The following CREB5 variants were observed in gnomAD, a reference collection of about 807,000 sequenced individuals.
CREB5 encodes the protein cAMP responsive element binding protein 5.
In CREB5, 19 loss-of-function variants were observed where a neutral mutation model predicts 57.1. The observed-to-expected ratio is 0.33, with a 90% CI of 0.23 to 0.49. CREB5 has a LOEUF of 0.49. Ranked by LOEUF, CREB5 falls within the 20% of genes least tolerant of loss-of-function variation. The pLI, the probability that CREB5 is intolerant of heterozygous loss-of-function variation, is 0.99. For synonymous variants in CREB5, 238 were observed against 238.3 expected, an observed-to-expected ratio of 1.00 and a Z score of 0.01; for missense variants, 579 against 671.6, an observed-to-expected ratio of 0.86 and a Z score of 1.52.
intron 1 of CREB5, among the ~76,000 whole-genome samples, chr7:28,329,223 A>ACAATTGT (rs1785668291): frequency 6.6e-6 from 1 of 152,214 alleles, no homozygotes; most frequent in Admixed American, 6.5e-5. Context: ...TGGAACCATG[A>ACAATTGT]CAATTGTCAA....
intron 1 of CREB5, among the ~76,000 whole-genome samples, chr7:28,335,911 T>C (rs769651941): frequency 8.5e-5 from 13 of 152,284 alleles, no homozygotes; most frequent in Middle Eastern, 3.4e-3. Context: ...CATTAAGTGA[T>C]GTTTAATTTT....
In CREB5 at chr7:28,338,819, C is replaced by T. The variant is rs549375625; in HGVS notation, c.-25+39378C>T. On this transcript the variant is annotated intron_variant, in intron 1 of 9. Coordinates refer to the CREB5 transcript ENST00000396299. Reference sequence around the variant, plus strand: ...GCTTCATTCTTTTCTATTGTTTTTTCTTTAGTCTCCTCTGACTGTGTATTT... The same window carrying T: ...GCTTCATTCTTTTCTATTGTTTTTTTTTTAGTCTCCTCTGACTGTGTATTT... Among the ~76,000 whole-genome samples the T allele has an allele frequency of 2.6e-4, 40 of 151,828 alleles. 1 individual carries two copies. The South Asian group carries it at 8.3e-3, about 32-fold the overall frequency.
Position 28,718,782 on chromosome 7 carries a change from T to C in CREB5, c.494T>C (p.Leu165Pro), listed in dbSNP as rs1033700925. Residue 165 changes from leucine to proline, a missense_variant, in exon 6 of 11, where the codon CTA becomes CCA. By Grantham distance (98) the Leu-to-Pro change is moderately conservative. This residue lies in a region of CREB5 where 459 missense variants were observed against 515.7 expected (regional missense o/e 0.89). Transcript: ENST00000357727. The part of the protein sequence containing the change: ...GPVPGSLSSL[L>P]HLHNRQRQPM... ...GTCCCAGGCTCTCTATCTTCTCTGCTACATCTCCACAACAGACAGAGACAG... is the reference window on the plus strand; with the variant it reads ...GTCCCAGGCTCTCTATCTTCTCTGCCACATCTCCACAACAGACAGAGACAG... 1 of 1,614,058 alleles carries C rather than the reference T, an allele frequency of 6.2e-7. No individual in the cohort carries two copies. The highest frequency in any genetic ancestry group is 1.3e-5 in the African/African-American group (1 of 75,028).
chr7:28,681,115 CTG>C (rs35393534), intron 5 of CREB5, among the ~76,000 whole-genome samples: 45,227 of 151,854 alleles, frequency 0.3, 7,817 homozygotes, highest in East Asian at 0.57. Flanking sequence ...CAAGAGGAAT[CTG>C]AGGCCCTCCA....
At chr7:28,661,559 T>A (rs543533167) in intron 5 of CREB5, among the ~76,000 whole-genome samples, 11 of 152,180 alleles carry the variant, frequency 7.2e-5, no homozygotes, top group Non-Finnish European at 1.3e-4. Flanking sequence ...GCTATGTGCA[T>A]GTCTGCTAGC....
intron 1 of CREB5, among the ~76,000 whole-genome samples, chr7:28,389,187 A>C (rs991373995): frequency 6.6e-6 from 1 of 152,216 alleles, no homozygotes; most frequent in Non-Finnish European, 1.5e-5. Flanking sequence ...CACATTAGTT[A>C]TGTATGCATT....
chr7:28,658,955 A>ATATATATATATATATATATATATATG (rs1799455573), intron 5 of CREB5, among the ~76,000 whole-genome samples: 4 of 47,534 alleles, frequency 8.4e-5, no homozygotes, highest in Non-Finnish European at 1.2e-4. Context: ...GTGTGTGTGT[A>ATATATATATATATATATATATATATG]TATATATATA....
chr7:28,389,535 T>C (rs914805870), intron 1 of CREB5, among the ~76,000 whole-genome samples: 2 of 152,200 alleles, frequency 1.3e-5, no homozygotes, highest in African/African-American at 4.8e-5. Flanking sequence ...CAGATGGTGT[T>C]CACCTTACTT....
chr7:28,333,775 T>A (rs958868398), intron 1 of CREB5, among the ~76,000 whole-genome samples: 2 of 150,294 alleles, frequency 1.3e-5, no homozygotes, highest in Admixed American at 1.3e-4. Context: ...ATGTACCACA[T>A]TTTTTTAATC....
rs747794115 is a variant in CREB5 at position 28,804,258 on chromosome 7, C to T, written c.762C>T (p.Thr254=). The change falls in exon 8 of 11, where the codon ACC becomes ACT. Residue 254 remains threonine (T), a synonymous_variant. Coordinates refer to ENST00000357727, the MANE Select transcript of CREB5 (RefSeq NM_182898.4). The part of the protein sequence containing the change: ...PAAMSNGNMN[T]MGHMMEMMGS... ...CCATGTCAAATGGGAACATGAACAC[C>T]ATGGGACACATGATGGAGATGATGG... 1.9e-6 allele frequency: 3 copies of T among 1,613,988 alleles called. No homozygotes were observed. The highest frequency in any genetic ancestry group is 4.5e-5 in the East Asian group (2 of 44,892).
intron 5 of CREB5, among the ~76,000 whole-genome samples, chr7:28,628,034 T>C (rs1265417401): frequency 2.0e-5 from 3 of 152,088 alleles, no homozygotes; most frequent in Non-Finnish European, 4.4e-5. Context: ...TGCCTCTCTT[T>C]TCCAGTTATT....
intron 7 of CREB5, among the ~76,000 whole-genome samples, chr7:28,728,596 T>G (rs141752601): frequency 3.3e-5 from 5 of 152,344 alleles, no homozygotes; most frequent in African/African-American, 1.2e-4. Flanking sequence ...TTCACTGTTC[T>G]TTATCCAAAC....
At chr7:28,603,361 CA>C (rs1462171298) in intron 5 of CREB5, among the ~76,000 whole-genome samples, 2 of 152,264 alleles carry the variant, frequency 1.3e-5, no homozygotes, top group East Asian at 3.9e-4. Flanking sequence ...AGAACTTAGC[CA>C]ACATGATCTG....
At position 28,724,331 on chromosome 7, in the gene CREB5, T is replaced by C; in HGVS notation, c.701T>C (p.Met234Thr). Residue 234 changes from methionine to threonine, a missense_variant and splice_region_variant, in exon 7 of 11, where the codon ATG becomes ACG. Met to Thr is a moderately conservative substitution (Grantham distance 81, BLOSUM62 -1). Around this residue, in one of 3 missense-constraint regions of CREB5, gnomAD observed 459 missense variants for 515.7 expected, o/e 0.89. Transcript: ENST00000357727. ...CAGCCAATGCATTCAGAAGCCAAAA[T>C]GGTAAGTAACAGTTATAATCACCCT... ...QVQPMHSEAK[M>T]RLKAALTHHP... is the part of the protein sequence containing the mutation. 1 of 1,611,674 alleles carries C rather than the reference T, an allele frequency of 6.2e-7. No homozygotes were observed. The highest frequency in any genetic ancestry group is 8.5e-7 in the Non-Finnish European group (1 of 1,178,012).
In CREB5 at chr7:28,560,866, C is replaced by CGCGCG. The variant is rs1562797336; in HGVS notation, c.292-9499_292-9498insGCGCG. 1.0e-3 allele frequency among the ~76,000 whole-genome samples: 51 copies of CGCGCG among 50,292 alleles called. 2 individuals carry two copies. Among genetic ancestry groups the CGCGCG allele is most frequent in the Non-Finnish European group, 1.7e-3 (39 of 23,158 alleles). 33.0% of individuals were successfully genotyped at this position (50,292 alleles called of 152,430 possible). On this transcript the variant is annotated intron_variant, in intron 4 of 10. Coordinates refer to ENST00000357727, the MANE Select transcript of CREB5 (RefSeq NM_182898.4). ...TGTGCGCGTGTGTGTGTGCGTGTGC[C>CGCGCG]TGCGTGCGCGTGCGTGCGTGCGTGT...
At chr7:28,426,320 C>T (rs1256742979) in intron 1 of CREB5, among the ~76,000 whole-genome samples, 1 of 152,214 alleles carries the variant, frequency 6.6e-6, no homozygotes, top group African/African-American at 2.4e-5. Flanking sequence ...CCAGTTTTGT[C>T]TGGTCGCTGA....
intron 1 of CREB5, among the ~76,000 whole-genome samples, chr7:28,371,491 CAAAAAAAAA>C (rs5883125): frequency 1.3e-5 from 1 of 77,178 alleles, no homozygotes; most frequent in Non-Finnish European, 2.6e-5. Flanking sequence ...TACTCCATCT[CAAAAAAAAA>C]AAAAAAAAAA....
chr7:28,444,952 C>G (rs1300738894), intron 1 of CREB5, among the ~76,000 whole-genome samples: 1 of 152,158 alleles, frequency 6.6e-6, no homozygotes, highest in Non-Finnish European at 1.5e-5. Context: ...GTGTCCCCAC[C>G]CAAATCTCAT....
rs140348800 is a variant in CREB5 at position 28,763,825 on chromosome 7, A to G, written c.702+39493A>G. Among the ~76,000 whole-genome samples the G allele has an allele frequency of 1.3e-3, 196 of 148,568 alleles. 5 individuals are homozygous for G. The East Asian group carries it at 0.035, about 27-fold the overall frequency. ...TATTATTATTATTTTTTTTTGAGACAGGGTCTTGCTCTGTCACCAAGGCTG... is the reference window on the plus strand; with the variant it reads ...TATTATTATTATTTTTTTTTGAGACGGGGTCTTGCTCTGTCACCAAGGCTG... On this transcript the variant is annotated intron_variant, in intron 7 of 10. Transcript: ENST00000357727.
Sources: gnomAD v4.1 joint callset for allele counts (sites outside exome capture counted in the v4.1 genomes callset) on GRCh38, gnomAD v4.1.1 for gene constraint, gnomAD v4.1.1 regional missense constraint, MANE v1.5 for transcripts, NCBI Gene and HGNC (gene_info 2026-07-23, HGNC 2026-07-21) for gene names.